MLLT3: variants seen among roughly 807,000 people sequenced by gnomAD.
MLLT3 encodes protein AF-9.
In MLLT3, 4 loss-of-function variants were observed where a neutral mutation model predicts 53.2. The ratio of observed to expected loss-of-function variants is 0.08; its 90% CI spans 0.04 to 0.17. The LOEUF (loss-of-function observed/expected upper bound fraction) is 0.17. MLLT3 is among the 10% of genes least tolerant of loss of function. The probability of loss-of-function intolerance (pLI) is 1.00; values close to 1 mark genes in which losing one functional copy is unlikely to be tolerated. For synonymous variants in MLLT3, 283 were observed against 230.6 expected (o/e 1.23, Z -2.06); for missense variants, 569 against 684.0 (o/e 0.83, Z 1.87).
intron 4 of MLLT3, among the ~76,000 whole-genome samples, chr9:20,443,342 G>C (rs1823600802): frequency 6.6e-6 from 1 of 152,116 alleles, no homozygotes; most frequent in African/African-American, 2.4e-5. Flanking sequence ...TACCTTGCTG[G>C]TCATATATGT....
chr9:20,374,140 T>G (rs1051681206), intron 5 of MLLT3, among the ~76,000 whole-genome samples: 1 of 152,168 alleles, frequency 6.6e-6, no homozygotes, highest in African/African-American at 2.4e-5. Flanking sequence ...CCCAGCACTT[T>G]GGGAGGCCAA....
chr9:20,522,565 T>G lies in MLLT3; in HGVS notation c.194-65779A>C, dbSNP rs1454771531. Among the ~76,000 whole-genome samples the G allele has an allele frequency of 3.3e-5, 5 of 152,060 alleles. No individual in the cohort carries two copies. In the East Asian group the frequency reaches 9.7e-4, roughly 29 times the overall value. On this transcript the variant is annotated intron_variant, in intron 2 of 10. Transcript: ENST00000380338. ...TTTATTCCCTCTTGTTTCAAATAGGTAAGGAAGAGCTTACTGCCCAGTATG... is the reference window on the plus strand; with the variant it reads ...TTTATTCCCTCTTGTTTCAAATAGGGAAGGAAGAGCTTACTGCCCAGTATG...
chr9:20,363,947 G>A (rs539351538), intron 6 of MLLT3, among the ~76,000 whole-genome samples: 1 of 152,296 alleles, frequency 6.6e-6, no homozygotes, highest in Admixed American at 6.5e-5. Context: ...TCCATGTATT[G>A]AGAAGTTGAG....
intron 2 of MLLT3, among the ~76,000 whole-genome samples, chr9:20,614,263 G>T (rs1291408732): frequency 6.6e-6 from 1 of 152,098 alleles, no homozygotes; most frequent in African/African-American, 2.4e-5. Context: ...GCGTGGTGGC[G>T]CATGCCTATA....
At chr9:20,533,928 T>A (rs1818409910) in intron 2 of MLLT3, among the ~76,000 whole-genome samples, 1 of 152,212 alleles carries the variant, frequency 6.6e-6, no homozygotes, top group South Asian at 2.1e-4. Flanking sequence ...GGGCACAAAG[T>A]TTCAGTTAAA....
chr9:20,551,415 TC>T (rs1489990007), intron 2 of MLLT3, among the ~76,000 whole-genome samples: 1 of 152,184 alleles, frequency 6.6e-6, no homozygotes, highest in East Asian at 1.9e-4. Flanking sequence ...TTTCCCAACT[TC>T]CTTTTGGTAA....
rs187007878 is a variant in MLLT3, at chr9:20,455,565, A to G, written c.276+1139T>C. Among the ~76,000 whole-genome samples, 660 of 152,326 alleles carry G rather than the reference A, an allele frequency of 4.3e-3. 5 individuals are homozygous for G. The highest frequency in any genetic ancestry group is 6.0e-3 in the Non-Finnish European group (410 of 68,024). ...CTGCCCTTAGGGTAATGCTAATGCT[A>G]TCCAAAGAACCATATTTTACTGAGC... On this transcript the variant is annotated intron_variant, in intron 3 of 10. Coordinates refer to ENST00000380338, the MANE Select transcript of MLLT3 (RefSeq NM_004529.4).
chr9:20,578,681 TTTAA>T (rs1361760603), intron 2 of MLLT3, among the ~76,000 whole-genome samples: 3 of 152,052 alleles, frequency 2.0e-5, no homozygotes, highest in African/African-American at 7.2e-5. Context: ...TATATTTTAT[TTTAA>T]TTAATTAAAA....
At chr9:20,360,383 C>T (rs1187959086) in intron 8 of MLLT3, among the ~76,000 whole-genome samples, 1 of 152,180 alleles carries the variant, frequency 6.6e-6, no homozygotes, top group East Asian at 1.9e-4. Context: ...TGGTAAAGAA[C>T]CAAGCTCTAT....
At chr9:20,498,644 A>G (rs1351959083) in intron 2 of MLLT3, among the ~76,000 whole-genome samples, 3 of 151,916 alleles carry the variant, frequency 2.0e-5, no homozygotes, top group Non-Finnish European at 4.4e-5. Context: ...TGTGATTTGT[A>G]TTTTTTTTAG....
intron 2 of MLLT3, among the ~76,000 whole-genome samples, chr9:20,474,772 C>T (rs1300552754): frequency 1.3e-5 from 2 of 152,094 alleles, no homozygotes; most frequent in Non-Finnish European, 2.9e-5. Context: ...GTTTTGAAGA[C>T]AGCATCCACA....
chr9:20,515,781 G>A (rs1162169051), intron 2 of MLLT3, among the ~76,000 whole-genome samples: 1 of 152,170 alleles, frequency 6.6e-6, no homozygotes, highest in Non-Finnish European at 1.5e-5. Flanking sequence ...ACAGGCAGCA[G>A]CCTCTTTTGA....
At chr9:20,567,944 C>T (rs188769045) in intron 2 of MLLT3, among the ~76,000 whole-genome samples, 18 of 152,248 alleles carry the variant, frequency 1.2e-4, no homozygotes, top group Admixed American at 9.2e-4. Flanking sequence ...CCTCCATCCC[C>T]GCCACCTACA....
chr9:20,501,666 G>A (rs1005302849), intron 2 of MLLT3, among the ~76,000 whole-genome samples: 4 of 151,288 alleles, frequency 2.6e-5, no homozygotes, highest in African/African-American at 9.7e-5. Flanking sequence ...CAGGAGAATG[G>A]CGTGAACCCG....
chr9:20,367,483 C>T (rs1305121725), intron 5 of MLLT3, among the ~76,000 whole-genome samples: 1 of 152,154 alleles, frequency 6.6e-6, no homozygotes, highest in Admixed American at 6.5e-5. Flanking sequence ...GTACATTAGG[C>T]CCTGCGTTCC....
intron 2 of MLLT3, among the ~76,000 whole-genome samples, chr9:20,536,543 C>T (rs1402204203): frequency 6.6e-6 from 1 of 152,168 alleles, no homozygotes; most frequent in Non-Finnish European, 1.5e-5. Context: ...GCCTACTGTT[C>T]TCTCGGAATC....
intron 2 of MLLT3, among the ~76,000 whole-genome samples, chr9:20,567,647 T>C (rs1334345281): frequency 2.0e-5 from 3 of 152,188 alleles, no homozygotes; most frequent in East Asian, 3.8e-4. Flanking sequence ...TCAACAGCCC[T>C]GACTATATTA....
At chr9:20,554,816 T>C (rs779436739) in intron 2 of MLLT3, among the ~76,000 whole-genome samples, 1 of 152,214 alleles carries the variant, frequency 6.6e-6, no homozygotes, top group East Asian at 1.9e-4. Flanking sequence ...TTTGCTCTTG[T>C]ACTTAAGTAA....
At chr9:20,356,508 A>G (rs1821174991) in intron 8 of MLLT3, among the ~76,000 whole-genome samples, 2 of 152,008 alleles carry the variant, frequency 1.3e-5, no homozygotes, top group African/African-American at 4.8e-5. Flanking sequence ...CTCCTCGCCA[A>G]CTCAGATACT....
Sources: allele counts gnomAD v4.1 joint callset (sites outside exome capture counted in the v4.1 genomes callset), GRCh38; gene constraint gnomAD v4.1.1; transcripts MANE v1.5; gene names NCBI Gene and HGNC (gene_info 2026-07-23, HGNC 2026-07-21).